Variants in USP7 observed in about 807,000 individuals in gnomAD.
USP7 encodes the protein ubiquitin specific peptidase 7.
A neutral mutation model predicts 162.9 loss-of-function variants in USP7; 9 were observed. The observed-to-expected ratio is 0.06, with a 90% confidence interval of 0.03 to 0.10. USP7 has a LOEUF of 0.10. USP7 is among the 10% of genes least tolerant of loss of function. The pLI is 1.00. For missense variants in USP7, 715 were observed against 1,373.7 expected (o/e 0.52, Z 7.58); for synonymous variants, 562 against 475.9 (o/e 1.18, Z -2.35).
chr16:8,949,336 T>G (rs373890669), intron 1 of USP7, among the ~76,000 whole-genome samples: 1 of 152,220 alleles, frequency 6.6e-6, no homozygotes, highest in Admixed American at 6.5e-5. Context: ...AAAAATGCAA[T>G]GCAATTGATT....
chr16:8,951,297 A>T (rs976575701), intron 1 of USP7, among the ~76,000 whole-genome samples: 1 of 152,298 alleles, frequency 6.6e-6, no homozygotes, highest in African/African-American at 2.4e-5. Flanking sequence ...ATTTCCTTCA[A>T]CCTCTGCTCA....
chr16:8,899,016 C>T, intron 23 of USP7, 105 bp downstream of exon 23: 1 of 1,196,584 alleles, frequency 8.4e-7, no homozygotes, highest in South Asian at 1.3e-5. Flanking sequence ...AATGGACTGT[C>T]AGGTGAAATG....
rs759100414 is a variant in USP7 at position 8,923,313 on chromosome 16, C to T, written c.285G>A (p.Leu95=). ...VLSPPCFVRN[L]PWKIMVMPRF... is the part of the protein sequence containing the mutation. ...GTGGCATCACCATAATCTTCCATGG[C>T]AGATTTCGCACAAAACACGGAGGGC... Residue 95 remains leucine, a synonymous_variant, in exon 3 of 31, where the codon CTG becomes CTA. Coordinates refer to ENST00000344836, the MANE Select transcript of USP7 (RefSeq NM_003470.3). 3.9e-6 allele frequency: 6 copies of T among 1,544,592 alleles called. No homozygotes were observed. The highest frequency in any genetic ancestry group is 1.8e-5 in the Admixed American group (1 of 54,120).
chr16:8,930,242 T>G, intron 2 of USP7, 51 bp downstream of exon 2: 1 of 1,447,738 alleles, frequency 6.9e-7, no homozygotes, highest in Non-Finnish European at 9.6e-7. Flanking sequence ...TCTGAACCTG[T>G]TTTCTGACAA....
intron 2 of USP7, among the ~76,000 whole-genome samples, chr16:8,927,802 CTCTA>C (rs1898094673): frequency 6.6e-6 from 1 of 152,194 alleles, no homozygotes; most frequent in African/African-American, 2.4e-5. Context: ...TGCCACTGTA[CTCTA>C]GCCTGGGCGA....
chr16:8,910,664 A>T (rs747150020), intron 11 of USP7, 81 bp downstream of exon 11: 18 of 1,345,484 alleles, frequency 1.3e-5, no homozygotes, highest in Non-Finnish European at 1.9e-5. Context: ...AGGCACAAGC[A>T]AATTTTTATT....
In USP7 at chr16:8,910,847, A is replaced by G. The variant is rs377405622; in HGVS notation, c.1079-20T>C. The G allele has an allele frequency of 6.5e-5, 103 of 1,590,462 alleles. No homozygotes were observed. The highest frequency in any genetic ancestry group is 6.7e-5 in the Admixed American group (4 of 59,882). Reference sequence around the variant, plus strand: ...CAAATACTTTAAAGAGAGAGAGAGAAAAGTCAAGTGCTAAAGCTTCATTTA... The same window carrying G: ...CAAATACTTTAAAGAGAGAGAGAGAGAAGTCAAGTGCTAAAGCTTCATTTA... On this transcript the variant is annotated intron_variant, in intron 10 of 30. Coordinates refer to ENST00000344836, the MANE Select transcript of USP7 (RefSeq NM_003470.3).
chr16:8,896,781 G>A (rs1030457108), intron 26 of USP7, among the ~76,000 whole-genome samples: 2 of 152,182 alleles, frequency 1.3e-5, no homozygotes, highest in African/African-American at 2.4e-5. Flanking sequence ...GCACCACAGC[G>A]GCTTGAGGGT....
At chr16:8,913,956 T>C (rs2141197808) in intron 10 of USP7, among the ~76,000 whole-genome samples, 1 of 152,002 alleles carries the variant, frequency 6.6e-6, no homozygotes, top group East Asian at 1.9e-4. Flanking sequence ...CAGGCTGGCC[T>C]CAAACTCCTG....
chr16:8,950,743 C>T (rs1899510337), intron 1 of USP7, among the ~76,000 whole-genome samples: 1 of 152,208 alleles, frequency 6.6e-6, no homozygotes, highest in East Asian at 1.9e-4. Context: ...GGGCCACATC[C>T]CACTGGCGAG....
chr16:8,919,956 T>C (rs1472725486), intron 5 of USP7, among the ~76,000 whole-genome samples: 1 of 152,148 alleles, frequency 6.6e-6, no homozygotes, highest in East Asian at 1.9e-4. Flanking sequence ...ATGTTAGTTG[T>C]CGGTGATGCT....
chr16:8,895,227 C>A, intron 27 of USP7, 77 bp from the exon 28 acceptor site: 2 of 1,605,128 alleles, frequency 1.2e-6, no homozygotes, highest in East Asian at 2.2e-5. Context: ...AATTCTCACA[C>A]TACTCTAACC....
intron 1 of USP7, among the ~76,000 whole-genome samples, chr16:8,941,451 G>A (rs1305878785): frequency 6.6e-6 from 1 of 152,154 alleles, no homozygotes; most frequent in Non-Finnish European, 1.5e-5. Context: ...GACCTGAGGG[G>A]TAAAGGCACG....
chr16:8,912,696 C>A (rs2061966740), intron 10 of USP7, among the ~76,000 whole-genome samples: 1 of 151,208 alleles, frequency 6.6e-6, no homozygotes, highest in South Asian at 2.1e-4. Flanking sequence ...CCAAGGCGGG[C>A]AGACTGATTG....
At chr16:8,903,216 A>T in intron 16 of USP7, 52 bp downstream of exon 16, 1 of 1,584,366 alleles carries the variant, frequency 6.3e-7, no homozygotes, top group African/African-American at 1.3e-5. Context: ...ACACGGAAGG[A>T]AGGTGGACGT....
At chr16:8,904,236 C>T (rs1475243970) in intron 15 of USP7, among the ~76,000 whole-genome samples, 199 bp downstream of exon 15, 1 of 152,198 alleles carries the variant, frequency 6.6e-6, no homozygotes, top group African/African-American at 2.4e-5. Context: ...CAGCTTCTCT[C>T]TGGGCAGCTG....
rs137886097 is a variant in USP7, at chr16:8,894,070, G to A, written c.3237C>T (p.Leu1079=). 1.9e-5 allele frequency: 31 copies of A among 1,614,056 alleles called. No homozygotes were observed. The highest frequency in any genetic ancestry group is 8.0e-5 in the African/African-American group (6 of 74,920). The part of the protein sequence containing the change: ...NMSHPRPWLG[L]DHFNKAPKRS... Reference sequence around the variant, plus strand: ...TCTTTGGGGCTTTGTTGAAGTGGTCGAGCCCTAGCCAAGGCCGAGGATGAG... The same window carrying A: ...TCTTTGGGGCTTTGTTGAAGTGGTCAAGCCCTAGCCAAGGCCGAGGATGAG... The change falls in exon 31 of 31, where the codon CTC becomes CTT. Residue 1079 remains leucine (L), a synonymous_variant. Transcript: ENST00000344836.
rs2061642644 is a variant in USP7 at position 8,893,921 on chromosome 16, G to A, written c.*77C>T. On this transcript the variant is annotated 3_prime_UTR_variant, in exon 31 of 31. Transcript: ENST00000344836. ...CTCTTGCTGAAGACTTCGGCTAGAG[G>A]GCACGTGCACCAAAGTTCTAGGCTG... 2 of 1,262,944 alleles carry A rather than the reference G, an allele frequency of 1.6e-6. No homozygotes were observed. The highest frequency in any genetic ancestry group is 1.5e-5 in the African/African-American group (1 of 67,832). The allele number at this position is 1,262,944 out of a possible 1,614,324, so 78.2% of individuals were successfully genotyped here. A position where few individuals can be genotyped will look rare whatever the true frequency, so the allele number is the denominator to read the frequency against.
At chr16:8,924,222 C>G (rs933707886) in intron 2 of USP7, among the ~76,000 whole-genome samples, 3 of 152,214 alleles carry the variant, frequency 2.0e-5, no homozygotes, top group Non-Finnish European at 2.9e-5. Context: ...CTTTGACAAA[C>G]CCTGCAGCAT....
Sources: allele counts gnomAD v4.1 joint callset (sites outside exome capture counted in the v4.1 genomes callset), GRCh38; gene constraint gnomAD v4.1.1; transcripts MANE v1.5; gene names NCBI Gene and HGNC (gene_info 2026-07-23, HGNC 2026-07-21).